The following ATP2A1 variants were observed in gnomAD, a reference collection of about 807,000 sequenced individuals.
ATP2A1 encodes sarcoplasmic/endoplasmic reticulum calcium ATPase 1.
Under a neutral mutation model 109.5 loss-of-function variants are expected in ATP2A1, and 83 were observed. The observed-to-expected ratio is 0.76, with a 90% CI of 0.63 to 0.91. ATP2A1 has a LOEUF of 0.91. Among genes scored for constraint, ATP2A1 ranks in the 40% least tolerant of loss-of-function variants. The probability of loss-of-function intolerance (pLI) is 0.00; values close to 1 mark genes in which losing one functional copy is unlikely to be tolerated. For missense variants in ATP2A1, 1,101 were observed against 1,341.0 expected, an observed-to-expected ratio of 0.82 and a Z score of 2.80; for synonymous variants, 505 against 537.6, an observed-to-expected ratio of 0.94 and a Z score of 0.84.
intron 15 of ATP2A1, 102 bp downstream of exon 15, chr16:28,901,018 C>T: frequency 6.9e-7 from 1 of 1,455,528 alleles, no homozygotes; most frequent in African/African-American, 1.4e-5. Flanking sequence ...TGGTAAGATG[C>T]AAGAAGGGTG....
Position 28,899,866 on chromosome 16 carries a change from G to A in ATP2A1, c.1765-715G>A, listed in dbSNP as rs1430822150. On this transcript the variant is annotated intron_variant, in intron 14 of 22. Coordinates refer to ENST00000395503, the MANE Select transcript of ATP2A1 (RefSeq NM_004320.6). ...TCCCAGCTACTCAGGAGGCTGAGGC[G>A]GAGAATCGCTTCAACTTGGGAGGTG... Among the ~76,000 whole-genome samples the A allele has an allele frequency of 7.3e-5, 11 of 151,232 alleles. No homozygotes were observed. In the East Asian group the frequency reaches 7.8e-4, roughly 11 times the overall value.
chr16:28,901,213 G>T (rs1198287875), intron 15 of ATP2A1, among the ~76,000 whole-genome samples: 1 of 151,542 alleles, frequency 6.6e-6, no homozygotes, highest in African/African-American at 2.4e-5. Flanking sequence ...GCACATATTT[G>T]TGGTCCTAGC....
chr16:28,893,541 C>T (rs2152208637), intron 9 of ATP2A1, among the ~76,000 whole-genome samples: 1 of 152,108 alleles, frequency 6.6e-6, no homozygotes, highest in East Asian at 1.9e-4. Context: ...AATAGTTGGG[C>T]TGTTTGCCAC....
intron 6 of ATP2A1, among the ~76,000 whole-genome samples, chr16:28,885,544 G>A (rs963880290): frequency 1.1e-4 from 17 of 151,784 alleles, no homozygotes; most frequent in South Asian, 2.1e-4. Context: ...GGGTTTTACC[G>A]TCTTGGCCAG....
At chr16:28,894,675 T>C in intron 11 of ATP2A1, 68 bp downstream of exon 11, 1 of 1,600,844 alleles carries the variant, frequency 6.2e-7, no homozygotes, top group Non-Finnish European at 8.5e-7. Flanking sequence ...GAGGAAAGGG[T>C]TGGAGGAAGG....
In ATP2A1 at chr16:28,880,936, G is replaced by A; in HGVS notation, c.241G>A (p.Gly81Ser). The change falls in exon 4 of 23, where the codon GGT becomes AGT. Residue 81 changes from glycine (G) to serine (S), a missense_variant. Coordinates refer to ENST00000395503, the MANE Select transcript of ATP2A1 (RefSeq NM_004320.6). The surrounding 1 kb of genome is among the most constrained non-coding windows in gnomAD (Gnocchi z 4.2). ...CCAGGTGCTGGCCTGGTTTGAGGAAGGTGAAGAGACCATCACTGCCTTTGT... is the reference window on the plus strand; with the variant it reads ...CCAGGTGCTGGCCTGGTTTGAGGAAAGTGAAGAGACCATCACTGCCTTTGT... ...ISFVLAWFEE[G>S]EETITAFVEP... 1 of 1,614,220 alleles carries A rather than the reference G, an allele frequency of 6.2e-7. No homozygotes were observed. Among genetic ancestry groups the A allele is most frequent in the Non-Finnish European group, 8.5e-7 (1 of 1,180,048 alleles).
rs751104390 is a variant in ATP2A1 at position 28,901,874 on chromosome 16, C to T, written c.2112C>T (p.Gly704=). The change falls in exon 16 of 23, where the codon GGC becomes GGT. Residue 704 remains glycine (G), a synonymous_variant. Transcript: ENST00000395503. Reference sequence around the variant, plus strand: ...TCCTCCTCCCTCAGACAGGTGATGGCGTCAATGACGCCCCTGCCCTGAAGA... The same window carrying T: ...TCCTCCTCCCTCAGACAGGTGATGGTGTCAATGACGCCCCTGCCCTGAAGA... ...YDEITAMTGD[G]VNDAPALKKA... 8.7e-6 allele frequency: 14 copies of T among 1,613,740 alleles called. No individual in the cohort carries two copies. Among genetic ancestry groups the T allele is most frequent in the Admixed American group, 6.7e-5 (4 of 59,974 alleles).
rs908803462 is a variant in ATP2A1, at chr16:28,882,469, G to T, written c.343G>T (p.Ala115Ser). The T allele has an allele frequency of 4.3e-6, 7 of 1,614,190 alleles. No homozygotes were observed. Among genetic ancestry groups the T allele is most frequent in the Non-Finnish European group, 5.9e-6 (7 of 1,180,026 alleles). ...GVWQERNAEN[A>S]IEALKEYEPE... ...TCCTCAGGAGCGGAACGCAGAGAACGCCATCGAGGCCCTGAAGGAGTATGA... is the reference window on the plus strand; with the variant it reads ...TCCTCAGGAGCGGAACGCAGAGAACTCCATCGAGGCCCTGAAGGAGTATGA... Residue 115 changes from alanine (A) to serine (S), a missense_variant, in exon 5 of 23, where the codon GCC (alanine) becomes TCC (serine). Physicochemically the swap from Ala to Ser is moderately conservative, Grantham distance 99 (BLOSUM62 1). Coordinates refer to ENST00000395503, the MANE Select transcript of ATP2A1 (RefSeq NM_004320.6).
intron 9 of ATP2A1, among the ~76,000 whole-genome samples, chr16:28,890,400 T>C (rs1963735820): frequency 1.3e-5 from 2 of 151,828 alleles, no homozygotes; most frequent in Admixed American, 6.6e-5. Flanking sequence ...CAGAGATTGC[T>C]TGAGCCAGGA....
rs565808029 is a variant in ATP2A1, at chr16:28,879,642, T to G, written c.219+59T>G. The G allele has an allele frequency of 1.1e-5, 17 of 1,551,072 alleles. No homozygotes were observed. The East Asian group carries it at 3.5e-4, about 32-fold the overall frequency. Reference sequence around the variant, plus strand: ...GGGTGTGAGGCTGGGATCGGGCGAATGCGGGGCTCGCAGTCACTGGATCCT... The same window carrying G: ...GGGTGTGAGGCTGGGATCGGGCGAAGGCGGGGCTCGCAGTCACTGGATCCT... On this transcript the variant is annotated intron_variant, in intron 3 of 22. Coordinates refer to ENST00000395503, the MANE Select transcript of ATP2A1 (RefSeq NM_004320.6).
chr16:28,879,716 C>T (rs1481391406), intron 3 of ATP2A1, 133 bp downstream of exon 3: 4 of 1,097,890 alleles, frequency 3.6e-6, no homozygotes, highest in East Asian at 2.6e-5. Flanking sequence ...CGGGCTGGCG[C>T]GCAGCAGCGG....
At chr16:28,881,083 C>T (rs776728838) in intron 4 of ATP2A1, 64 bp downstream of exon 4, 4 of 1,470,918 alleles carry the variant, frequency 2.7e-6, no homozygotes, top group Non-Finnish European at 3.8e-6. Context: ...AACCCTCCCT[C>T]CAGTCTCCTC....
intron 2 of ATP2A1, 48 bp downstream of exon 2, chr16:28,879,164 C>T: frequency 6.2e-7 from 1 of 1,604,540 alleles, no homozygotes; most frequent in South Asian, 1.1e-5. Flanking sequence ...ACCCCCCACC[C>T]CGCCCTGTCC....
rs993853708 is a variant in ATP2A1 at position 28,879,762 on chromosome 16, C to A, written c.219+179C>A. On this transcript the variant is annotated intron_variant, in intron 3 of 22. Transcript: ENST00000395503. Reference sequence around the variant, plus strand: ...CGTCCTCCTCTCTCCTCCCCTGCACCCCAGAGGCAGGTTTTATTTTAAGCT... The same window carrying A: ...CGTCCTCCTCTCTCCTCCCCTGCACACCAGAGGCAGGTTTTATTTTAAGCT... The A allele has an allele frequency of 5.2e-6, 4 of 769,314 alleles. No homozygotes were observed. The African/African-American group carries it at 6.9e-5, about 13-fold the overall frequency. 47.7% of individuals were successfully genotyped at this position (769,314 alleles called of 1,614,324 possible). A position where few individuals can be genotyped will look rare whatever the true frequency, so the allele number is the denominator to read the frequency against.
Position 28,888,718 on chromosome 16 carries a change from T to C in ATP2A1, c.929-69T>C, listed in dbSNP as rs143934649. The C allele has an allele frequency of 3.2e-6, 5 of 1,562,276 alleles. No homozygotes were observed. The East Asian group carries it at 6.7e-5, about 21-fold the overall frequency. ...ACGTGCCCAGCTGGGGGCTACTATTTAGCCCCTTGCAGGTTCCCTCACACC... is the reference window on the plus strand; with the variant it reads ...ACGTGCCCAGCTGGGGGCTACTATTCAGCCCCTTGCAGGTTCCCTCACACC... On this transcript the variant is annotated intron_variant, in intron 8 of 22. Coordinates refer to ENST00000395503, the MANE Select transcript of ATP2A1 (RefSeq NM_004320.6).
intron 6 of ATP2A1, 148 bp downstream of exon 6, chr16:28,884,803 C>T (rs981330731): frequency 9.3e-6 from 7 of 755,080 alleles, no homozygotes; most frequent in Non-Finnish European, 1.5e-5. Context: ...TAAAAACTAG[C>T]TGAGCATGTT....
Position 28,898,286 on chromosome 16 carries a change from C to G in ATP2A1, c.1599C>G (p.Thr533=), listed in dbSNP as rs760479265. The change falls in exon 14 of 23, where the codon ACC becomes ACG. Residue 533 remains threonine, a synonymous_variant. Transcript: ENST00000395503. This position sits in a 1 kb window ranked among gnomAD's most constrained non-coding sequence, Gnocchi z 4.0. ...DRCNYVRVGT[T]RVPLTGPVKE... The stretch of plus-strand genomic sequence containing the variant: ...GTAACTATGTGCGAGTTGGCACCAC[C>G]CGGGTGCCACTGACGGGGCCGGTGA... The G allele has an allele frequency of 1.2e-6, 2 of 1,614,118 alleles. No homozygotes were observed. The highest frequency in any genetic ancestry group is 2.2e-5 in the South Asian group (2 of 91,094).
chr16:28,901,328 C>T (rs1400611759), intron 15 of ATP2A1, among the ~76,000 whole-genome samples: 2 of 55,922 alleles, frequency 3.6e-5, no homozygotes, highest in Non-Finnish European at 7.6e-5. Context: ...GACCCTGTCT[C>T]AAAAAAAAAA....
rs897110563 is a variant in ATP2A1, at chr16:28,880,324, C to T, written c.220-591C>T. On this transcript the variant is annotated intron_variant, in intron 3 of 22. Coordinates refer to ENST00000395503, the MANE Select transcript of ATP2A1 (RefSeq NM_004320.6). The surrounding 1 kb of genome is among the most constrained non-coding windows in gnomAD (Gnocchi z 4.2). ...AACGAAAGCCTCCCTGTGCCTTGGT[C>T]TCCGAACGCAGGCCCCGTCGCGTTA... 6.6e-6 allele frequency among the ~76,000 whole-genome samples: 1 copy of T among 152,240 alleles called. No homozygotes were observed. Among genetic ancestry groups the T allele is most frequent in the Non-Finnish European group, 1.5e-5 (1 of 68,034 alleles).
Sources: gnomAD v4.1 joint callset for allele counts (sites outside exome capture counted in the v4.1 genomes callset) on GRCh38, gnomAD v4.1.1 for gene constraint, Gnocchi (gnomAD v3.1) non-coding constraint, MANE v1.5 for transcripts, NCBI Gene and HGNC (gene_info 2026-07-23, HGNC 2026-07-21) for gene names.